PCDHGA4: variants seen among roughly 807,000 people sequenced by gnomAD.
The protein encoded by PCDHGA4 is protocadherin gamma-A4.
A neutral mutation model predicts 54.6 loss-of-function variants in PCDHGA4; 38 were observed. The ratio of observed to expected loss-of-function variants is 0.70; its 90% CI spans 0.54 to 0.91. The LOEUF (loss-of-function observed/expected upper bound fraction) is 0.91, where lower values mean the gene tolerates loss of function less well. Among genes scored for constraint, PCDHGA4 ranks in the 40% least tolerant of loss-of-function variants. The probability of loss-of-function intolerance (pLI) is 0.00; values close to 1 mark genes in which losing one functional copy is unlikely to be tolerated. For synonymous variants in PCDHGA4, 511 were observed against 512.9 expected, an observed-to-expected ratio of 1.00 and a Z score of 0.05; for missense variants, 1,298 against 1,220.9, an observed-to-expected ratio of 1.06 and a Z score of -0.94.
intron 1 of PCDHGA4, chr5:141,389,006 C>T (rs1238735616): frequency 1.2e-6 from 2 of 1,613,868 alleles, no homozygotes. Flanking sequence ...ACAAGGATTC[C>T]AGACACAATG....
In PCDHGA4 at chr5:141,476,254, T is replaced by C; in HGVS notation, c.2515-18553T>C. 1.2e-6 allele frequency: 2 copies of C among 1,613,820 alleles called. No individual in the cohort carries two copies. Among genetic ancestry groups the C allele is most frequent in the Non-Finnish European group, 8.5e-7 (1 of 1,179,976 alleles). On this transcript the variant is annotated intron_variant, in intron 1 of 3. Transcript: ENST00000571252. The surrounding 1 kb of genome is among the most constrained non-coding windows in gnomAD (Gnocchi z 7.6). ...CGGAGGAAAGAGAGAAGGGTTTCGCTGTGGGCAACGTGGTCGCGAACCTTG... is the reference window on the plus strand; with the variant it reads ...CGGAGGAAAGAGAGAAGGGTTTCGCCGTGGGCAACGTGGTCGCGAACCTTG...
At chr5:141,466,974 C>G (rs1314224956) in intron 1 of PCDHGA4, among the ~76,000 whole-genome samples, 1 of 151,944 alleles carries the variant, frequency 6.6e-6, no homozygotes, top group Non-Finnish European at 1.5e-5. Context: ...TCTCACAGCT[C>G]ATCATTTACC....
chr5:141,431,227 C>G lies in PCDHGA4; in HGVS notation c.2515-63580C>G. ...CTGAGATGCGGTTCCCTCTACCCCA[C>G]GCCTGGGATCCGGATATCGGGAAGA... On this transcript the variant is annotated intron_variant, in intron 1 of 3. Coordinates refer to ENST00000571252, the MANE Select transcript of PCDHGA4 (RefSeq NM_018917.4). This position sits in a 1 kb window ranked among gnomAD's most constrained non-coding sequence, Gnocchi z 4.8. 6.2e-7 allele frequency: 1 copy of G among 1,614,180 alleles called. No individual in the cohort carries two copies. Among genetic ancestry groups the G allele is most frequent in the Non-Finnish European group, 8.5e-7 (1 of 1,180,042 alleles).
intron 1 of PCDHGA4, among the ~76,000 whole-genome samples, chr5:141,469,304 C>T (rs890230691): frequency 2.0e-5 from 3 of 151,892 alleles, no homozygotes; most frequent in East Asian, 1.9e-4. Flanking sequence ...AGACTGGGCA[C>T]GATGGCTCAC....
At chr5:141,452,909 TAC>T (rs1370071626) in intron 1 of PCDHGA4, among the ~76,000 whole-genome samples, 2 of 152,232 alleles carry the variant, frequency 1.3e-5, no homozygotes, top group African/African-American at 4.8e-5. Context: ...GTTGGCATTA[TAC>T]AGTAAGAAAG....
intron 1 of PCDHGA4, chr5:141,394,616 C>T (rs2093043198): frequency 1.2e-6 from 2 of 1,613,490 alleles, no homozygotes; most frequent in East Asian, 2.2e-5. Flanking sequence ...CGGGCCAGAA[C>T]GCCTGGCTGT....
At position 141,408,331 on chromosome 5, in the gene PCDHGA4, G is replaced by C. The variant is rs779178317; in HGVS notation, c.2514+50710G>C. On this transcript the variant is annotated intron_variant, in intron 1 of 3. Transcript: ENST00000571252. Reference sequence around the variant, plus strand: ...ACTCGATTCCGGAGGAGCTGGCCAAGGGCTCGGTGGTGGGGAACCTCGCTA... The same window carrying C: ...ACTCGATTCCGGAGGAGCTGGCCAACGGCTCGGTGGTGGGGAACCTCGCTA... 3.1e-6 allele frequency: 5 copies of C among 1,613,932 alleles called. No individual in the cohort carries two copies. In the South Asian group the frequency reaches 5.5e-5, roughly 18 times the overall value.
chr5:141,393,858 A>C lies in PCDHGA4; in HGVS notation c.2514+36237A>C, dbSNP rs777304987. 5 of 1,613,912 alleles carry C rather than the reference A, an allele frequency of 3.1e-6. No homozygotes were observed. The South Asian group carries it at 3.3e-5, about 11-fold the overall frequency. Reference sequence around the variant, plus strand: ...AAATGACAATAGACCAGAAGTGATCATTACGTCTTTGTTTAGCCCAGTGTT... The same window carrying C: ...AAATGACAATAGACCAGAAGTGATCCTTACGTCTTTGTTTAGCCCAGTGTT... On this transcript the variant is annotated intron_variant, in intron 1 of 3. Coordinates refer to ENST00000571252, the MANE Select transcript of PCDHGA4 (RefSeq NM_018917.4).
At chr5:141,438,649 CACAT>C (rs2098044358) in intron 1 of PCDHGA4, among the ~76,000 whole-genome samples, 1 of 100,976 alleles carries the variant, frequency 9.9e-6, no homozygotes, top group Non-Finnish European at 2.0e-5. Context: ...CACACACACA[CACAT>C]ATATGTATAT....
intron 1 of PCDHGA4, among the ~76,000 whole-genome samples, chr5:141,424,979 T>G (rs565208060): frequency 1.4e-4 from 22 of 152,322 alleles, no homozygotes; most frequent in African/African-American, 4.6e-4. Flanking sequence ...CTTGGATATT[T>G]ATGTTCCCTT....
chr5:141,512,656 C>G lies in PCDHGA4; in HGVS notation c.*1483C>G, dbSNP rs1262748947. ...CCCTTACAGTAGTGTAGCGCCCCCT[C>G]CCTCTTTCGGCTGGTGTAGAATAGC... On this transcript the variant is annotated 3_prime_UTR_variant, in exon 4 of 4. Coordinates refer to ENST00000571252, the MANE Select transcript of PCDHGA4 (RefSeq NM_018917.4). 1 of 152,508 alleles carries G rather than the reference C, an allele frequency of 6.6e-6. No homozygotes were observed. The highest frequency in any genetic ancestry group is 1.5e-5 in the Non-Finnish European group (1 of 68,228). The allele number at this position is 152,508 out of a possible 1,614,324, so 9.4% of individuals were successfully genotyped here.
chr5:141,429,073 C>CTCGATT (rs1202357717), intron 1 of PCDHGA4: 1 of 152,116 alleles, frequency 6.6e-6, no homozygotes, highest in African/African-American at 2.4e-5. Context: ...CCAGGATGGT[C>CTCGATT]TCGATTTCCT....
At chr5:141,500,876 A>G (rs909126749) in intron 2 of PCDHGA4, among the ~76,000 whole-genome samples, 1 of 124,952 alleles carries the variant, frequency 8.0e-6, no homozygotes, top group African/African-American at 3.5e-5. Flanking sequence ...ATTCATTTAC[A>G]ATTTTTTTTT....
chr5:141,418,323 A>G, intron 1 of PCDHGA4: 2 of 1,614,004 alleles, frequency 1.2e-6, no homozygotes, highest in Non-Finnish European at 1.7e-6. Flanking sequence ...ACAATTCTTG[A>G]GTCTGCAGAA....
chr5:141,360,230 A>G (rs1761484495), intron 1 of PCDHGA4: 1 of 1,613,852 alleles, frequency 6.2e-7, no homozygotes, highest in Non-Finnish European at 8.5e-7. Flanking sequence ...CTCCCAGTCC[A>G]GATCCGCTAT....
At chr5:141,435,821 T>C (rs571444304) in intron 1 of PCDHGA4, among the ~76,000 whole-genome samples, 72 of 152,240 alleles carry the variant, frequency 4.7e-4, no homozygotes, top group African/African-American at 1.6e-3. Context: ...CTTTCTTCTT[T>C]GTTTGCTGCC....
At chr5:141,401,532 A>G (rs1461153273) in intron 1 of PCDHGA4, among the ~76,000 whole-genome samples, 2 of 152,260 alleles carry the variant, frequency 1.3e-5, no homozygotes, top group Non-Finnish European at 2.9e-5. Context: ...GAAGAAACTT[A>G]CAAAAAAAAG....
At chr5:141,367,958 C>A (rs1349298389) in intron 1 of PCDHGA4, among the ~76,000 whole-genome samples, 1 of 152,088 alleles carries the variant, frequency 6.6e-6, no homozygotes, top group African/African-American at 2.4e-5. Flanking sequence ...AATTTCATAT[C>A]TAACGTATGT....
intron 1 of PCDHGA4, chr5:141,421,118 T>A (rs572827470): frequency 1.3e-6 from 1 of 771,946 alleles, no homozygotes; most frequent in South Asian, 1.9e-5. Flanking sequence ...GTATTTTCCT[T>A]CGCTTTCTGA....
Sources: allele counts gnomAD v4.1 joint callset (sites outside exome capture counted in the v4.1 genomes callset), GRCh38; gene constraint gnomAD v4.1.1; non-coding constraint Gnocchi (gnomAD v3.1); transcripts MANE v1.5; gene names NCBI Gene and HGNC (gene_info 2026-07-23, HGNC 2026-07-21).